Variants in TTC23L observed in about 807,000 individuals in gnomAD.
TTC23L encodes the protein tetratricopeptide repeat domain 23 like.
A neutral mutation model predicts 48.1 loss-of-function variants in TTC23L; 42 were observed. The ratio of observed to expected loss-of-function variants is 0.87; its 90% CI spans 0.68 to 1.13. TTC23L has a LOEUF of 1.13. Among genes scored for constraint, TTC23L ranks in the 50% most tolerant of loss-of-function variants. The probability of loss-of-function intolerance (pLI) is 0.00; values close to 1 mark genes in which losing one functional copy is unlikely to be tolerated. For synonymous variants in TTC23L, 159 were observed against 157.2 expected, an observed-to-expected ratio of 1.01 and a Z score of -0.09; for missense variants, 391 against 421.0, an observed-to-expected ratio of 0.93 and a Z score of 0.62.
chr5:34,881,222 C>G (rs79063513), intron 9 of TTC23L, among the ~76,000 whole-genome samples: 2 of 152,192 alleles, frequency 1.3e-5, no homozygotes, highest in Non-Finnish European at 2.9e-5. Context: ...CTTCCATCTT[C>G]GGATCTAGCT....
At chr5:34,855,077 G>C (rs1189822427) in intron 4 of TTC23L, among the ~76,000 whole-genome samples, 1 of 152,188 alleles carries the variant, frequency 6.6e-6, no homozygotes, top group Admixed American at 6.5e-5. Flanking sequence ...CATAAGGAAG[G>C]AAAGTGCCAC....
downstream of TTC23L, among the ~76,000 whole-genome samples, chr5:34,903,571 C>T (rs1370997564): frequency 6.6e-6 from 1 of 152,140 alleles, no homozygotes; most frequent in African/African-American, 2.4e-5. Flanking sequence ...ATATATCCAC[C>T]ATTATAGTAT....
the TTC23L span, chr5:34,905,454 T>C: frequency 6.6e-6 from 1 of 152,180 alleles, no homozygotes; most frequent in Non-Finnish European, 1.5e-5. Flanking sequence ...ACCCTGTGGC[T>C]TCCTGTTAAA....
chr5:34,839,538 G>C, intron 1 of TTC23L: 1 of 711,620 alleles, frequency 1.4e-6, no homozygotes, highest in Non-Finnish European at 1.7e-6. Flanking sequence ...ACAGAGTCCG[G>C]GAGTTTGAGA....
At chr5:34,858,679 C>G (rs1760322746) in intron 4 of TTC23L, among the ~76,000 whole-genome samples, 1 of 130,774 alleles carries the variant, frequency 7.6e-6, no homozygotes, top group Non-Finnish European at 1.8e-5. Flanking sequence ...AAAAAGGCTT[C>G]AGATAAAAAA....
intron 1 of TTC23L, among the ~76,000 whole-genome samples, chr5:34,840,250 G>GGA (rs1554016490): frequency 6.5e-5 from 7 of 108,146 alleles, no homozygotes; most frequent in Admixed American, 2.6e-4. Context: ...GGGGGGGGGG[G>GGA]AAAGCAGAAT....
At chr5:34,909,228 C>T in the TTC23L span, 1 of 1,472,600 alleles carries the variant, frequency 6.8e-7, no homozygotes, top group Non-Finnish European at 9.4e-7. Context: ...CTCTTTATCA[C>T]CAATGACAAC....
chr5:34,886,928 C>T (rs1190066713), intron 9 of TTC23L, among the ~76,000 whole-genome samples: 1 of 152,210 alleles, frequency 6.6e-6, no homozygotes, highest in Non-Finnish European at 1.5e-5. Context: ...CCAGAGAGCT[C>T]ATTCCCTTGC....
At position 34,863,147 on chromosome 5, in the gene TTC23L, C is replaced by T; in HGVS notation, c.536+93C>T. On this transcript the variant is annotated intron_variant, in intron 5 of 10. Transcript: ENST00000505624. This position sits in a 1 kb window ranked among gnomAD's most constrained non-coding sequence, Gnocchi z 4.1. ...TCATACAGGAGGGTGGGAGATGGAACCAAGGCCTTGTAGATCTGTTCCAAC... is the reference window on the plus strand; with the variant it reads ...TCATACAGGAGGGTGGGAGATGGAATCAAGGCCTTGTAGATCTGTTCCAAC... 6.6e-7 allele frequency: 1 copy of T among 1,521,412 alleles called. No homozygotes were observed. The highest frequency in any genetic ancestry group is 9.0e-7 in the Non-Finnish European group (1 of 1,115,954). 94.2% of individuals were successfully genotyped at this position (1,521,412 alleles called of 1,614,324 possible).
chr5:34,852,890 TA>T (rs773436118), intron 4 of TTC23L, among the ~76,000 whole-genome samples: 24 of 152,164 alleles, frequency 1.6e-4, no homozygotes, highest in Non-Finnish European at 2.9e-4. Flanking sequence ...AAGGCACATC[TA>T]ACGTGGCGGC....
chr5:34,909,388 C>A, the TTC23L span: 1 of 1,458,954 alleles, frequency 6.9e-7, no homozygotes, highest in Non-Finnish European at 9.6e-7. Context: ...TTTATTCATT[C>A]ATCCAAAAAT....
the TTC23L span, chr5:34,918,859 C>G: frequency 7.0e-6 from 1 of 142,740 alleles, no homozygotes; most frequent in African/African-American, 2.5e-5. Context: ...AAAAATGGAC[C>G]TGGGATAGAA....
rs932255617 is a variant in TTC23L, at chr5:34,870,050, C to CT, written c.949+1045dup. Among the ~76,000 whole-genome samples, 10 of 151,418 alleles carry CT rather than the reference C, an allele frequency of 6.6e-5. 1 individual carries two copies. The highest frequency in any genetic ancestry group is 1.3e-4 in the Non-Finnish European group (9 of 67,824). On this transcript the variant is annotated intron_variant, in intron 8 of 10. Coordinates refer to ENST00000505624, the Ensembl canonical transcript of TTC23L. ...GTCTGTAAATATGTACAAATTTTAG[C>CT]TTTTTTTTAAGTGAGAAAAAACAAG...
chr5:34,856,617 A>G (rs988613591), intron 4 of TTC23L, among the ~76,000 whole-genome samples: 2 of 152,258 alleles, frequency 1.3e-5, no homozygotes, highest in African/African-American at 4.8e-5. Context: ...TAAAACTTCC[A>G]AGAGGGAAAG....
At chr5:34,888,830 G>T (rs1762686494) in intron 9 of TTC23L, among the ~76,000 whole-genome samples, 1 of 152,176 alleles carries the variant, frequency 6.6e-6, no homozygotes, top group African/African-American at 2.4e-5. Flanking sequence ...GGTTGTTGTT[G>T]ATCACAGTGT....
exon 3 of TTC23L, chr5:34,845,612 A>T: frequency 6.2e-7 from 1 of 1,613,960 alleles, no homozygotes. Context: ...TGTATGTCTC[A>T]TCCCAAAGAG....
chr5:34,854,505 AAG>A (rs1293679930), intron 4 of TTC23L, among the ~76,000 whole-genome samples: 3 of 152,324 alleles, frequency 2.0e-5, no homozygotes, highest in Non-Finnish European at 2.9e-5. Context: ...GCAGATCTTC[AAG>A]AGAGATGAAG....
chr5:34,913,259 A>G, the TTC23L span, among the ~76,000 whole-genome samples: 1 of 151,308 alleles, frequency 6.6e-6, no homozygotes, highest in Admixed American at 6.6e-5. Context: ...TTGTAAATTA[A>G]AAAAAAAATG....
At position 34,846,667 on chromosome 5, in the gene TTC23L, A is replaced by ATGTGTGTGTGTG. The variant is rs869123650; in HGVS notation, c.255+1024_255+1035dup. Among the ~76,000 whole-genome samples the ATGTGTGTGTGTG allele has an allele frequency of 1.7e-4, 11 of 66,346 alleles. No individual in the cohort carries two copies. In the East Asian group the frequency reaches 4.4e-3, roughly 26 times the overall value. 43.5% of individuals were successfully genotyped at this position (66,346 alleles called of 152,430 possible). On this transcript the variant is annotated intron_variant, in intron 3 of 10. Transcript: ENST00000505624. ...TATATACAAATACATATATGTGTGTATGTGTGTGTGTGTGTGTGTGTGTGT... is the reference window on the plus strand; with the variant it reads ...TATATACAAATACATATATGTGTGTATGTGTGTGTGTGTGTGTGTGTGTGTGTGTGTGTGTGT...
Sources: gnomAD v4.1 joint callset for allele counts (sites outside exome capture counted in the v4.1 genomes callset) on GRCh38, gnomAD v4.1.1 for gene constraint, Gnocchi (gnomAD v3.1) non-coding constraint, MANE v1.5 for transcripts, NCBI Gene and HGNC (gene_info 2026-07-23, HGNC 2026-07-21) for gene names.